APIP: variants seen among roughly 807,000 people sequenced by gnomAD.
APIP encodes APAF1 interacting protein.
Under a neutral mutation model 32.0 loss-of-function variants are expected in APIP, and 32 were observed. That is an observed-to-expected ratio of 1.00 (90% CI 0.76 to 1.34). APIP has a LOEUF of 1.34. APIP is among the 40% of genes most tolerant of loss of function. The pLI is 0.00. For missense variants in APIP, 247 were observed against 298.6 expected, an observed-to-expected ratio of 0.83 and a Z score of 1.27; for synonymous variants, 92 against 94.8, an observed-to-expected ratio of 0.97 and a Z score of 0.17.
chr11:34,887,803 A>G (rs1430946071), intron 5 of APIP, among the ~76,000 whole-genome samples: 1 of 152,150 alleles, frequency 6.6e-6, no homozygotes, highest in Non-Finnish European at 1.5e-5. Context: ...GGTAATCTAT[A>G]CTTACTATCC....
At chr11:34,882,855 A>G in intron 6 of APIP, 39 bp from the exon 7 acceptor site, 1 of 1,322,686 alleles carries the variant, frequency 7.6e-7, no homozygotes, top group Non-Finnish European at 1.1e-6. Flanking sequence ...TGTTTATCGA[A>G]ACAGAGTTCT....
intron 1 of APIP, among the ~76,000 whole-genome samples, chr11:34,915,546 TCCAGAC>T (rs1853658275): frequency 6.6e-6 from 1 of 152,212 alleles, no homozygotes; most frequent in African/African-American, 2.4e-5. Context: ...CGTCTAGTTC[TCCAGAC>T]CCTGGGCCAT....
At chr11:34,914,773 G>C (rs567647713) in intron 1 of APIP, among the ~76,000 whole-genome samples, 2 of 152,220 alleles carry the variant, frequency 1.3e-5, no homozygotes, top group African/African-American at 4.8e-5. Context: ...GGCAGCTTAG[G>C]GGGGTGGATC....
chr11:34,907,916 C>G (rs116940378), intron 1 of APIP, among the ~76,000 whole-genome samples: 1 of 152,004 alleles, frequency 6.6e-6, no homozygotes, highest in East Asian at 1.9e-4. Context: ...GGCTTGTCTC[C>G]GAGATACTAC....
chr11:34,906,971 C>T (rs1456854272), intron 1 of APIP, among the ~76,000 whole-genome samples: 6 of 152,130 alleles, frequency 3.9e-5, no homozygotes, highest in Admixed American at 6.5e-5. Flanking sequence ...TGCTGCAAAC[C>T]GAACCACACG....
intron 5 of APIP, among the ~76,000 whole-genome samples, chr11:34,884,334 T>C (rs1853021593): frequency 6.6e-6 from 1 of 152,238 alleles, no homozygotes. Flanking sequence ...ACAGACTAAG[T>C]AGTCATCATG....
chr11:34,892,301 A>G (rs1196872235), intron 2 of APIP, among the ~76,000 whole-genome samples: 5 of 152,202 alleles, frequency 3.3e-5, no homozygotes, highest in Non-Finnish European at 7.4e-5. Context: ...AGCATTTTGA[A>G]TTTCAAGTTA....
intron 1 of APIP, chr11:34,896,935 C>T (rs530408337): frequency 1.2e-5 from 7 of 603,336 alleles, no homozygotes; most frequent in African/African-American, 5.8e-5. Flanking sequence ...CTGGAGACCC[C>T]ACTGAGGTCT....
rs1231801997 is a variant in APIP, at chr11:34,888,783, A to T, written c.294T>A (p.Thr98=). The T allele has an allele frequency of 6.6e-7, 1 of 1,522,386 alleles. No homozygotes were observed. The highest frequency in any genetic ancestry group is 8.7e-7 in the Non-Finnish European group (1 of 1,149,192). The allele number at this position is 1,522,386 out of a possible 1,614,324, so 94.3% of individuals were successfully genotyped here. The change falls in exon 4 of 7, where the codon ACT becomes ACA. Residue 98 remains threonine, a synonymous_variant. Transcript: ENST00000395787. Reference sequence around the variant, plus strand: ...TTGTGTAAGCATTCATGAAAAGAGGAGTACACTGGCTTTTTTTTAGCTTCT... The same window carrying T: ...TTGTGTAAGCATTCATGAAAAGAGGTGTACACTGGCTTTTTTTTAGCTTCT... ...PSKKLKKSQC[T]PLFMNAYTMR...
At chr11:34,910,063 C>T (rs542177823) in intron 1 of APIP, among the ~76,000 whole-genome samples, 20 of 152,258 alleles carry the variant, frequency 1.3e-4, no homozygotes, top group African/African-American at 4.8e-4. Context: ...CACCGAACTA[C>T]TAGAGAAACA....
intron 1 of APIP, among the ~76,000 whole-genome samples, chr11:34,901,398 G>A (rs79122385): frequency 7.5e-5 from 2 of 26,746 alleles, no homozygotes; most frequent in Admixed American, 4.2e-4. Flanking sequence ...GATGGGTCCC[G>A]GGGGCTCAAA....
chr11:34,890,629 T>A, intron 2 of APIP, 77 bp from the exon 3 acceptor site: 1 of 1,458,556 alleles, frequency 6.9e-7, no homozygotes, highest in Non-Finnish European at 9.5e-7. Flanking sequence ...AGTCCAATCA[T>A]GCATGTTCTT....
chr11:34,915,862 G>C (rs1853668077), intron 1 of APIP: 1 of 318,894 alleles, frequency 3.1e-6, no homozygotes, highest in Non-Finnish European at 5.7e-6. Flanking sequence ...AGAAGCTTGG[G>C]GGGCGCGGTC....
At chr11:34,910,469 C>G (rs768070228) in intron 1 of APIP, among the ~76,000 whole-genome samples, 1 of 151,918 alleles carries the variant, frequency 6.6e-6, no homozygotes, top group East Asian at 1.9e-4. Context: ...TACATGCTAA[C>G]GGGTAACATG....
At chr11:34,907,183 AT>A (rs1853473498) in intron 1 of APIP, among the ~76,000 whole-genome samples, 1 of 152,202 alleles carries the variant, frequency 6.6e-6, no homozygotes, top group African/African-American at 2.4e-5. Context: ...GGTATTTCTT[AT>A]ATCCGTCCTT....
At chr11:34,883,114 T>C (rs944026466) in intron 6 of APIP, among the ~76,000 whole-genome samples, 1 of 152,214 alleles carries the variant, frequency 6.6e-6, no homozygotes, top group Non-Finnish European at 1.5e-5. Flanking sequence ...AATAGAACTT[T>C]TGTAACTTGG....
At chr11:34,896,747 G>C in intron 1 of APIP, 2 of 1,127,964 alleles carry the variant, frequency 1.8e-6, no homozygotes, top group Non-Finnish European at 2.3e-6. Flanking sequence ...AACAACAAAG[G>C]AAAATGAGAC....
chr11:34,904,845 G>A (rs1853420290), intron 1 of APIP, among the ~76,000 whole-genome samples: 1 of 152,176 alleles, frequency 6.6e-6, no homozygotes, highest in Non-Finnish European at 1.5e-5. Context: ...TGACAACCCA[G>A]AGGAATGCCT....
chr11:34,915,490 C>A (rs908064994), intron 1 of APIP, among the ~76,000 whole-genome samples: 6 of 152,134 alleles, frequency 3.9e-5, no homozygotes, highest in Admixed American at 3.9e-4. Context: ...AGGGGTTTCC[C>A]TGCCTCTTAG....
Sources: gnomAD v4.1 joint callset for allele counts (sites outside exome capture counted in the v4.1 genomes callset) on GRCh38, gnomAD v4.1.1 for gene constraint, MANE v1.5 for transcripts, NCBI Gene and HGNC (gene_info 2026-07-23, HGNC 2026-07-21) for gene names.